MACF1: variants seen among roughly 807,000 people sequenced by gnomAD.
The protein encoded by MACF1 is microtubule-actin cross-linking factor 1.
A neutral mutation model predicts 854.8 loss-of-function variants in MACF1; 193 were observed. The observed-to-expected ratio is 0.23, with a 90% CI of 0.20 to 0.25. The LOEUF is 0.25. MACF1 is among the 10% of genes least tolerant of loss of function. MACF1 has a pLI of 1.00. For synonymous variants in MACF1, 3,185 were observed against 3,226.7 expected (o/e 0.99, Z 0.44); for missense variants, 7,722 against 8,929.1 (o/e 0.86, Z 5.45).
In MACF1 at chr1:39,105,071, C is replaced by T. The variant is rs558376742; in HGVS notation, c.220+20633C>T. On this transcript the variant is annotated intron_variant, in intron 2 of 93. Transcript: ENST00000361689. This position sits in a 1 kb window ranked among gnomAD's most constrained non-coding sequence, Gnocchi z 5.9. ...AGCCGGCCCGGGTCTCCCTGCCGTT[C>T]GGCCGGCCCAGCCTTTCATCCTGAC... Among the ~76,000 whole-genome samples the T allele has an allele frequency of 6.6e-6, 1 of 152,264 alleles. No individual in the cohort carries two copies. Among genetic ancestry groups the T allele is most frequent in the South Asian group, 2.1e-4 (1 of 4,834 alleles).
intron 100 of MACF1, 86 bp downstream of exon 100, chr1:39,484,816 CGGGT>C: frequency 1.3e-6 from 2 of 1,517,564 alleles, no homozygotes; most frequent in Non-Finnish European, 1.8e-6. Flanking sequence ...TCCCAAGGAG[CGGGT>C]AATGAGAGTG....
At chr1:39,262,397 C>CCA (rs1391034707) in intron 6 of MACF1, among the ~76,000 whole-genome samples, 3 of 68,804 alleles carry the variant, frequency 4.4e-5, no homozygotes, top group African/African-American at 1.8e-4. Context: ...GACTCCATCA[C>CCA]AAAAAAAAAA....
chr1:39,232,618 T>C (rs956901277), intron 2 of MACF1, among the ~76,000 whole-genome samples: 1 of 152,218 alleles, frequency 6.6e-6, no homozygotes, highest in African/African-American at 2.4e-5. Flanking sequence ...GATTGTTTTG[T>C]TGCATGGGAT....
chr1:39,314,412 G>GA (rs888050976), intron 26 of MACF1, among the ~76,000 whole-genome samples: 12 of 141,312 alleles, frequency 8.5e-5, no homozygotes, highest in Admixed American at 4.2e-4. Context: ...TCTGTCTCAA[G>GA]AAAAAAAAAA....
chr1:39,111,370 A>T (rs796247012), intron 2 of MACF1, among the ~76,000 whole-genome samples: 4 of 149,096 alleles, frequency 2.7e-5, no homozygotes, highest in African/African-American at 1.0e-4. Flanking sequence ...TAATTATTTT[A>T]TTTATTTATT....
intron 2 of MACF1, among the ~76,000 whole-genome samples, chr1:39,135,912 G>A (rs1643155822): frequency 1.3e-5 from 2 of 152,288 alleles, no homozygotes; most frequent in South Asian, 2.1e-4. Context: ...TGCAGAGGTC[G>A]AAGGCTGAGA....
intron 6 of MACF1, among the ~76,000 whole-genome samples, chr1:39,270,926 C>G (rs552450877): frequency 6.6e-6 from 1 of 152,110 alleles, no homozygotes; most frequent in African/African-American, 2.4e-5. Context: ...CATCTTAGTG[C>G]CCTCTGTTAT....
chr1:39,421,869 T>C (rs555112006), intron 58 of MACF1, among the ~76,000 whole-genome samples: 1 of 152,144 alleles, frequency 6.6e-6, no homozygotes, highest in African/African-American at 2.4e-5. Flanking sequence ...GGTCAGGAGA[T>C]CGAGACCATC....
intron 45 of MACF1, 143 bp from the exon 46 acceptor site, chr1:39,358,554 C>G: frequency 1.4e-6 from 1 of 694,600 alleles, no homozygotes; most frequent in Non-Finnish European, 2.4e-6. Context: ...TCATTGCTAC[C>G]CATCTATCCA....
rs746291517 is a variant in MACF1 at position 39,360,935 on chromosome 1, C to G, written c.12387C>G (p.Asn4129Lys). The G allele has an allele frequency of 1.9e-6, 3 of 1,614,016 alleles. No individual in the cohort carries two copies. Among genetic ancestry groups the G allele is most frequent in the East Asian group, 2.2e-5 (1 of 44,872 alleles). ...LLQSIGEVEQ[N>K]LEGKQVSSLS... ...AGTCTATTGGGGAAGTTGAACAAAA[C>G]CTGGAAGGGAAGCAGGTGTCATCAC... The change falls in exon 48 of 101, where the codon AAC becomes AAG. Residue 4129 changes from asparagine to lysine, a missense_variant. By Grantham distance (94) the Asn-to-Lys change is moderately conservative. Coordinates refer to ENST00000564288, the MANE Select transcript of MACF1 (RefSeq NM_001394062.1).
At position 39,315,604 on chromosome 1, in the gene MACF1, C is replaced by T; in HGVS notation, c.3362C>T (p.Ser1121Leu). ...TTTCTCCATCAGTCTCCATCTAGTT[C>T]AAGTGTCCCAACTCTGCGCTCAGAA... ...DSFLHQSPSS[S>L]SVPTLRSELN... Residue 1121 changes from serine to leucine, a missense_variant, in exon 27 of 101, where the codon TCA becomes TTA. Around this residue, in one of 15 missense-constraint regions of MACF1, gnomAD observed 1,137 missense variants for 1,263.0 expected, o/e 0.90. Coordinates refer to ENST00000564288, the MANE Select transcript of MACF1 (RefSeq NM_001394062.1). 6.2e-7 allele frequency: 1 copy of T among 1,614,110 alleles called. No individual in the cohort carries two copies. Among genetic ancestry groups the T allele is most frequent in the African/African-American group, 1.3e-5 (1 of 75,036 alleles).
In MACF1 at chr1:39,379,430, G is replaced by A. The variant is rs1257237663; in HGVS notation, c.13504G>A (p.Ala4502Thr). ...PTKTETVKAQ[A>T]ESNKAFLAEL... ...CAAGACAGAAACAGTGAAAGCCCAA[G>A]CTGAATCTAACAAGGTACTGTGTTT... The change falls in exon 54 of 101, where the codon GCT becomes ACT. Residue 4502 changes from alanine (A) to threonine (T), a missense_variant. By Grantham distance (58) the Ala-to-Thr change is moderately conservative. This residue lies in a region of MACF1 where 2,807 missense variants were observed against 3,235.8 expected (regional missense o/e 0.87). Coordinates refer to ENST00000564288, the MANE Select transcript of MACF1 (RefSeq NM_001394062.1). 1 of 1,613,504 alleles carries A rather than the reference G, an allele frequency of 6.2e-7. No homozygotes were observed. Among genetic ancestry groups the A allele is most frequent in the East Asian group, 2.2e-5 (1 of 44,882 alleles).
rs112726865 is a variant in MACF1, at chr1:39,484,817, G to A, written c.22411+87G>A. 1.7e-4 allele frequency: 260 copies of A among 1,504,524 alleles called. No homozygotes were observed. In the African/African-American group the frequency reaches 2.5e-3, roughly 15 times the overall value. 93.2% of individuals were successfully genotyped at this position (1,504,524 alleles called of 1,614,324 possible). The stretch of plus-strand genomic sequence containing the variant: ...GAATGTTTCACTGCTCCCAAGGAGC[G>A]GGTAATGAGAGTGGCACTTAGTGTG... On this transcript the variant is annotated intron_variant, in intron 100 of 100. Coordinates refer to ENST00000564288, the MANE Select transcript of MACF1 (RefSeq NM_001394062.1).
chr1:39,468,273 C>T (rs902451581), intron 95 of MACF1: 1 of 186,332 alleles, frequency 5.4e-6, no homozygotes, highest in Admixed American at 5.6e-5. Context: ...CTAATAAACC[C>T]AGCTACTCGG....
At chr1:39,126,996 G>T (rs768311475) in intron 2 of MACF1, among the ~76,000 whole-genome samples, 1 of 152,010 alleles carries the variant, frequency 6.6e-6, no homozygotes, top group Non-Finnish European at 1.5e-5. Flanking sequence ...CTTTGGGAGG[G>T]TGAGGCAGGT....
chr1:39,203,000 A>G (rs1644411237), upstream of MACF1, among the ~76,000 whole-genome samples: 1 of 152,200 alleles, frequency 6.6e-6, no homozygotes, highest in South Asian at 2.1e-4. Context: ...TGCACATCTA[A>G]AACTCTTTCC....
intron 2 of MACF1, among the ~76,000 whole-genome samples, chr1:39,194,528 A>G (rs1052138094): frequency 2.0e-5 from 3 of 149,152 alleles, no homozygotes; most frequent in African/African-American, 7.4e-5. Context: ...TAATTTTTGT[A>G]ATTTTAGTAG....
At chr1:39,235,085 C>T (rs1257166307) in intron 2 of MACF1, among the ~76,000 whole-genome samples, 1 of 152,070 alleles carries the variant, frequency 6.6e-6, no homozygotes, top group African/African-American at 2.4e-5. Context: ...AGAGACGCTC[C>T]TCACTTCCCA....
In MACF1 at chr1:39,287,489, C is replaced by A; in HGVS notation, c.1712C>A (p.Ala571Asp). Residue 571 changes from alanine to aspartate, a missense_variant, in exon 15 of 101, where the codon GCC (alanine) becomes GAC (aspartate). Physicochemically the swap from Ala to Asp is moderately radical, Grantham distance 126. Transcript: ENST00000564288. ...RKPMTRAELV[A>D]ISSSEDEGNL... is the part of the protein sequence containing the mutation. Reference sequence around the variant, plus strand: ...CCTATGACTCGGGCTGAACTTGTGGCCATCAGCTCCTCTGAAGATGAAGGC... The same window carrying A: ...CCTATGACTCGGGCTGAACTTGTGGACATCAGCTCCTCTGAAGATGAAGGC... 1 of 1,614,144 alleles carries A rather than the reference C, an allele frequency of 6.2e-7. No individual in the cohort carries two copies. The highest frequency in any genetic ancestry group is 1.1e-5 in the South Asian group (1 of 91,074).
Sources: allele counts gnomAD v4.1 joint callset (sites outside exome capture counted in the v4.1 genomes callset), GRCh38; gene constraint gnomAD v4.1.1; regional missense constraint gnomAD v4.1.1; non-coding constraint Gnocchi (gnomAD v3.1); transcripts MANE v1.5; gene names NCBI Gene and HGNC (gene_info 2026-07-23, HGNC 2026-07-21).